SGCD: variants seen among roughly 807,000 people sequenced by gnomAD.
SGCD encodes the protein delta-sarcoglycan.
SGCD carries 18 observed loss-of-function variants against 36.6 expected under a neutral mutation model. The ratio of observed to expected loss-of-function variants is 0.49; its 90% CI spans 0.34 to 0.73. The LOEUF (loss-of-function observed/expected upper bound fraction) is 0.73, where lower values mean the gene tolerates loss of function less well. Ranked by LOEUF, SGCD falls within the 30% of genes least tolerant of loss-of-function variation. The probability of loss-of-function intolerance (pLI) is 0.01; values close to 1 mark genes in which losing one functional copy is unlikely to be tolerated. For synonymous variants in SGCD, 133 were observed against 130.6 expected (o/e 1.02, Z -0.12); for missense variants, 387 against 346.7 (o/e 1.12, Z -0.92).
intron 3 of SGCD, among the ~76,000 whole-genome samples, chr5:156,276,308 CA>C (rs1766317419): frequency 6.6e-6 from 1 of 152,036 alleles, no homozygotes; most frequent in Admixed American, 6.6e-5. Flanking sequence ...AGAGACAGGT[CA>C]AAATTATGAA....
intron 1 of SGCD, among the ~76,000 whole-genome samples, chr5:155,920,857 T>C (rs749627627): frequency 2.6e-5 from 4 of 151,988 alleles, no homozygotes; most frequent in Non-Finnish European, 5.9e-5. Flanking sequence ...CAGCCTCAAA[T>C]AAGGAATCTG....
intron 1 of SGCD, among the ~76,000 whole-genome samples, chr5:155,936,868 T>TAGG (rs1234161949): frequency 6.6e-6 from 1 of 152,202 alleles, no homozygotes; most frequent in African/African-American, 2.4e-5. Context: ...CCATGCTCCT[T>TAGG]GGTGGCTAAA....
chr5:156,215,231 AT>A (rs1450145983), intron 3 of SGCD, among the ~76,000 whole-genome samples: 5 of 152,114 alleles, frequency 3.3e-5, no homozygotes, highest in Admixed American at 6.5e-5. Flanking sequence ...TATTCAACCC[AT>A]TGAAGAAAAT....
At chr5:156,550,503 T>G (rs1397570330) in intron 4 of SGCD, among the ~76,000 whole-genome samples, 2 of 152,208 alleles carry the variant, frequency 1.3e-5, no homozygotes, top group African/African-American at 2.4e-5. Context: ...GTGCAGCCAG[T>G]AAGAGCTAAC....
intron 7 of SGCD, among the ~76,000 whole-genome samples, chr5:156,666,814 A>G (rs1472830682): frequency 6.6e-6 from 1 of 152,094 alleles, no homozygotes; most frequent in African/African-American, 2.4e-5. Context: ...ACATAACAAA[A>G]TGGAGTCTCC....
intron 3 of SGCD, among the ~76,000 whole-genome samples, chr5:156,128,901 C>A (rs1252625428): frequency 6.6e-6 from 1 of 152,160 alleles, no homozygotes; most frequent in Non-Finnish European, 1.5e-5. Flanking sequence ...GACTGTCACA[C>A]ATAATAACAT....
At chr5:155,765,745 T>C in the SGCD span, among the ~76,000 whole-genome samples, 10 of 151,980 alleles carry the variant, frequency 6.6e-5, no homozygotes, top group African/African-American at 1.7e-4. Flanking sequence ...AATAAAGAGA[T>C]AGTTTTTTAA....
chr5:156,299,257 T>C (rs1766987418), intron 3 of SGCD, among the ~76,000 whole-genome samples: 1 of 152,148 alleles, frequency 6.6e-6, no homozygotes, highest in Non-Finnish European at 1.5e-5. Context: ...TGTAGATGCA[T>C]GGATTTATTT....
At chr5:155,761,557 CCCTCTCCATCAACTTCTCCGTCAT>C in the SGCD span, among the ~76,000 whole-genome samples, 623 of 142,710 alleles carry the variant, frequency 4.4e-3, 1 homozygote, top group Admixed American at 7.4e-3. Flanking sequence ...CTCACCATCA[CCCTCTCCATCAACTTCTCCGTCAT>C]CCTCTCCATC....
intron 6 of SGCD, among the ~76,000 whole-genome samples, chr5:156,643,994 AATC>A (rs1332368474): frequency 3.3e-5 from 5 of 152,182 alleles, no homozygotes; most frequent in African/African-American, 1.2e-4. Context: ...CAAAAGCACT[AATC>A]ATAATTATAT....
At chr5:156,300,135 G>A (rs1767014752) in intron 3 of SGCD, among the ~76,000 whole-genome samples, 1 of 151,938 alleles carries the variant, frequency 6.6e-6, no homozygotes, top group South Asian at 2.1e-4. Context: ...GAATTTTTAT[G>A]ATAAAGGGAT....
intron 3 of SGCD, among the ~76,000 whole-genome samples, chr5:156,350,639 T>G (rs1204540672): frequency 6.6e-6 from 1 of 152,148 alleles, no homozygotes; most frequent in Non-Finnish European, 1.5e-5. Flanking sequence ...CAGTATTCAT[T>G]ACTGGCAGGA....
the SGCD span, among the ~76,000 whole-genome samples, chr5:155,761,971 A>G: frequency 1.0e-3 from 152 of 152,300 alleles, 1 homozygote; most frequent in African/African-American, 3.3e-3. Context: ...TAACTATTTC[A>G]TGCTATTCTG....
upstream of SGCD, among the ~76,000 whole-genome samples, chr5:155,868,114 C>G (rs1561631919): frequency 6.6e-6 from 1 of 151,446 alleles, no homozygotes; most frequent in Non-Finnish European, 1.5e-5. Context: ...TGCAGTGGTG[C>G]GATCATGACT....
intron 7 of SGCD, among the ~76,000 whole-genome samples, chr5:156,743,817 T>TA (rs1756811906): frequency 6.6e-6 from 1 of 152,206 alleles, no homozygotes; most frequent in South Asian, 2.1e-4. Flanking sequence ...TGGTAAAACT[T>TA]AAATACCTGT....
chr5:156,695,106 CTGTGTTTGTGTGTGTGTGTGTGTGTG>C (rs1374114406), intron 7 of SGCD, among the ~76,000 whole-genome samples: 20 of 138,710 alleles, frequency 1.4e-4, no homozygotes, highest in African/African-American at 5.1e-4. Context: ...TTCAAAGGTA[CTGTGTTTGTGTGTGTGTGTGTGTGTG>C]TGTGTTTGTG....
the SGCD span, among the ~76,000 whole-genome samples, chr5:155,848,104 C>A: frequency 6.6e-6 from 1 of 152,108 alleles, no homozygotes; most frequent in Admixed American, 6.5e-5. Context: ...GGAAGACAAG[C>A]ACACAAATCT....
At position 156,608,856 on chromosome 5, in the gene SGCD, A is replaced by G. The variant is rs868301791; in HGVS notation, c.502+13805A>G. 1.8e-3 allele frequency among the ~76,000 whole-genome samples: 267 copies of G among 152,054 alleles called. 2 individuals carry two copies. The highest frequency in any genetic ancestry group is 6.8e-3 in the Middle Eastern group (2 of 294). On this transcript the variant is annotated intron_variant, in intron 6 of 8. Transcript: ENST00000337851. Reference sequence around the variant, plus strand: ...TTTAAAGTCTGTTTTATCCGAGACTAGGATTGCAACCCCTGCCTTTTTTTG... The same window carrying G: ...TTTAAAGTCTGTTTTATCCGAGACTGGGATTGCAACCCCTGCCTTTTTTTG...
intron 3 of SGCD, among the ~76,000 whole-genome samples, chr5:156,346,486 A>G (rs1005441721): frequency 6.6e-6 from 1 of 152,040 alleles, no homozygotes; most frequent in African/African-American, 2.4e-5. Context: ...GTTTGTAGAG[A>G]TGGGTGTCTC....
Sources: gnomAD v4.1 joint callset for allele counts (sites outside exome capture counted in the v4.1 genomes callset) on GRCh38, gnomAD v4.1.1 for gene constraint, MANE v1.5 for transcripts, NCBI Gene and HGNC (gene_info 2026-07-23, HGNC 2026-07-21) for gene names.